Variants in KCNB2 observed in about 807,000 individuals in gnomAD.
KCNB2 encodes the protein delayed rectifier potassium channel protein.
Under a neutral mutation model 61.5 loss-of-function variants are expected in KCNB2, and 15 were observed. That is an observed-to-expected ratio of 0.24 (90% CI 0.16 to 0.38). The LOEUF is 0.38. Ranked by LOEUF, KCNB2 falls within the 10% of genes least tolerant of loss-of-function variation. The pLI is 1.00. For missense variants in KCNB2, 828 were observed against 1,125.2 expected, an observed-to-expected ratio of 0.74 and a Z score of 3.78; for synonymous variants, 457 against 446.0, an observed-to-expected ratio of 1.02 and a Z score of -0.31.
chr8:72,652,622 A>G (rs1471253970), intron 2 of KCNB2, among the ~76,000 whole-genome samples: 2 of 152,036 alleles, frequency 1.3e-5, no homozygotes, highest in East Asian at 3.9e-4. Flanking sequence ...CTTCCCTCCA[A>G]GCTCTCAGGC....
At chr8:72,629,205 A>C (rs1805841260) in intron 2 of KCNB2, among the ~76,000 whole-genome samples, 1 of 152,204 alleles carries the variant, frequency 6.6e-6, no homozygotes, top group Non-Finnish European at 1.5e-5. Flanking sequence ...ACTAAAGAGA[A>C]GACTCAGTGT....
chr8:72,925,529 A>G (rs1050589050), intron 2 of KCNB2, among the ~76,000 whole-genome samples: 1 of 152,224 alleles, frequency 6.6e-6, no homozygotes, highest in Admixed American at 6.5e-5. Flanking sequence ...AAATGTTTAA[A>G]CATATGGAGA....
At chr8:72,825,524 G>A (rs995254455) in intron 2 of KCNB2, among the ~76,000 whole-genome samples, 1 of 152,102 alleles carries the variant, frequency 6.6e-6, no homozygotes, top group Non-Finnish European at 1.5e-5. Context: ...TAGTACACAG[G>A]GCTCCAATTT....
At chr8:72,866,809 AT>A (rs1430776633) in intron 2 of KCNB2, among the ~76,000 whole-genome samples, 2 of 152,106 alleles carry the variant, frequency 1.3e-5, no homozygotes, top group African/African-American at 2.4e-5. Context: ...GAAGGTAGGT[AT>A]TTTTTTTAAG....
intron 2 of KCNB2, among the ~76,000 whole-genome samples, chr8:72,780,798 ACT>A (rs1361254320): frequency 6.6e-6 from 1 of 152,172 alleles, no homozygotes; most frequent in Non-Finnish European, 1.5e-5. Flanking sequence ...GAATCTCCAC[ACT>A]GTCTTCCACA....
intron 2 of KCNB2, among the ~76,000 whole-genome samples, chr8:72,844,307 G>A (rs1430893195): frequency 1.2e-4 from 18 of 152,162 alleles, no homozygotes; most frequent in African/African-American, 4.3e-4. Flanking sequence ...TGAGAGATCC[G>A]CTGTTAGTCT....
intron 2 of KCNB2, among the ~76,000 whole-genome samples, chr8:72,590,138 C>A (rs903959268): frequency 6.6e-6 from 1 of 152,126 alleles, no homozygotes; most frequent in East Asian, 1.9e-4. Context: ...TGTAGACACC[C>A]AGAGTCATTT....
chr8:72,714,212 T>C (rs1180791060), intron 2 of KCNB2, among the ~76,000 whole-genome samples: 1 of 152,076 alleles, frequency 6.6e-6, no homozygotes, highest in Non-Finnish European at 1.5e-5. Flanking sequence ...ATGGGGAGAA[T>C]GAAACCAACT....
intron 2 of KCNB2, among the ~76,000 whole-genome samples, chr8:72,648,392 C>T (rs182304925): frequency 2.6e-5 from 4 of 152,222 alleles, no homozygotes; most frequent in South Asian, 4.1e-4. Flanking sequence ...CCACCTCAGC[C>T]GCCTGAGTAG....
At chr8:72,623,274 C>T (rs193216312) in intron 2 of KCNB2, among the ~76,000 whole-genome samples, 8 of 152,254 alleles carry the variant, frequency 5.3e-5, no homozygotes, top group Admixed American at 3.9e-4. Context: ...ATGCCTGTCA[C>T]AATTTAGGGG....
At chr8:72,733,262 C>T (rs544585870) in intron 2 of KCNB2, among the ~76,000 whole-genome samples, 44 of 152,110 alleles carry the variant, frequency 2.9e-4, no homozygotes, top group Non-Finnish European at 5.0e-4. Context: ...ATTTACTTTT[C>T]ACTTACATTG....
chr8:72,797,631 C>T (rs1476942506), intron 2 of KCNB2, among the ~76,000 whole-genome samples: 1 of 152,192 alleles, frequency 6.6e-6, no homozygotes, highest in East Asian at 1.9e-4. Flanking sequence ...CTAGCACCTG[C>T]CAGGTTTAGA....
intron 2 of KCNB2, among the ~76,000 whole-genome samples, chr8:72,673,760 A>C (rs987398315): frequency 6.6e-6 from 1 of 152,236 alleles, no homozygotes; most frequent in Non-Finnish European, 1.5e-5. Context: ...ATTTAGACAG[A>C]AAGTAGAATA....
At chr8:72,712,391 T>C (rs1179704762) in intron 2 of KCNB2, among the ~76,000 whole-genome samples, 2 of 152,204 alleles carry the variant, frequency 1.3e-5, no homozygotes, top group Non-Finnish European at 2.9e-5. Context: ...ATGATATGCT[T>C]TTTGTTTTGA....
At position 72,599,179 on chromosome 8, in the gene KCNB2, T is replaced by C. The variant is rs533260940; in HGVS notation, c.579+30866T>C. Among the ~76,000 whole-genome samples the C allele has an allele frequency of 1.6e-4, 24 of 152,248 alleles. No individual in the cohort carries two copies. In the East Asian group the frequency reaches 1.9e-3, roughly 12 times the overall value. ...CAAAAGAACAAAGCTGGAGGCATCA[T>C]GCTACCTGACTTCAAACTATACTAC... On this transcript the variant is annotated intron_variant, in intron 2 of 2. Coordinates refer to ENST00000523207, the MANE Select transcript of KCNB2 (RefSeq NM_004770.3).
At chr8:72,778,539 A>C (rs1808696341) in intron 2 of KCNB2, among the ~76,000 whole-genome samples, 1 of 151,424 alleles carries the variant, frequency 6.6e-6, no homozygotes. Context: ...GGAGTTTGAG[A>C]CCAGCCTGGG....
chr8:72,606,708 C>A (rs1321348115), intron 2 of KCNB2, among the ~76,000 whole-genome samples: 1 of 152,152 alleles, frequency 6.6e-6, no homozygotes, highest in Non-Finnish European at 1.5e-5. Flanking sequence ...AATAGTCCGC[C>A]AGGATGGGTC....
chr8:72,797,971 T>C (rs896034753), intron 2 of KCNB2, among the ~76,000 whole-genome samples: 2 of 152,114 alleles, frequency 1.3e-5, no homozygotes, highest in Non-Finnish European at 1.5e-5. Context: ...TCACTTGTCC[T>C]TTACAACATT....
intron 1 of KCNB2, among the ~76,000 whole-genome samples, chr8:72,560,953 CG>C (rs913963202): frequency 1.3e-5 from 2 of 151,940 alleles, no homozygotes; most frequent in African/African-American, 4.8e-5. Flanking sequence ...AATTATATTA[CG>C]GGGTCTAAAC....
Sources: gnomAD v4.1 joint callset for allele counts (sites outside exome capture counted in the v4.1 genomes callset) on GRCh38, gnomAD v4.1.1 for gene constraint, MANE v1.5 for transcripts, NCBI Gene and HGNC (gene_info 2026-07-23, HGNC 2026-07-21) for gene names.